The following BPIFB4 variants were observed in gnomAD, a reference collection of about 807,000 sequenced individuals.
BPIFB4 encodes the protein BPI fold containing family B member 4, also known as BPI fold-containing family B member 4.
A neutral mutation model predicts 69.2 loss-of-function variants in BPIFB4; 62 were observed. The ratio of observed to expected loss-of-function variants is 0.90; its 90% CI spans 0.73 to 1.11. The LOEUF is 1.11. Ranked by LOEUF, BPIFB4 falls within the 50% of genes least tolerant of loss-of-function variation. The pLI, the probability that BPIFB4 is intolerant of heterozygous loss-of-function variation, is 0.00. For synonymous variants in BPIFB4, 330 were observed against 332.7 expected, an observed-to-expected ratio of 0.99 and a Z score of 0.09; for missense variants, 789 against 792.0, an observed-to-expected ratio of 1.00 and a Z score of 0.04.
intron 7 of BPIFB4, among the ~76,000 whole-genome samples, chr20:33,087,753 C>CACACACACAA (rs56030970): frequency 0.068 from 9,627 of 140,732 alleles, 653 homozygotes; most frequent in African/African-American, 0.15. Flanking sequence ...CACACACACA[C>CACACACACAA]AAGCATGCAT....
intron 8 of BPIFB4, 96 bp downstream of exon 8, chr20:33,089,125 C>T: frequency 1.9e-6 from 3 of 1,580,646 alleles, no homozygotes; most frequent in South Asian, 2.3e-5. Context: ...CTGCAGGTAA[C>T]CCAGAGGGAC....
intron 9 of BPIFB4, 110 bp from the exon 10 acceptor site, chr20:33,090,598 C>T: frequency 6.5e-7 from 1 of 1,529,682 alleles, no homozygotes; most frequent in South Asian, 1.3e-5. Context: ...TTCATGGTGT[C>T]TGGAGCTGGA....
chr20:33,083,259 G>C, intron 4 of BPIFB4, 108 bp from the exon 5 acceptor site: 1 of 1,005,006 alleles, frequency 1.0e-6, no homozygotes, highest in Non-Finnish European at 1.4e-6. Flanking sequence ...AGTGGTGGGG[G>C]GTTGCTGGGT....
chr20:33,089,685 G>A, intron 9 of BPIFB4, 127 bp downstream of exon 9: 1 of 1,495,242 alleles, frequency 6.7e-7, no homozygotes, highest in Non-Finnish European at 8.9e-7. Context: ...AGTGGCTAAT[G>A]CCACAAGGGA....
In BPIFB4 at chr20:33,092,496, C is replaced by T; in HGVS notation, c.1182C>T (p.Tyr394=). ...VGEAGGGLID[Y]PLGWPAVSPK... is the part of the protein sequence containing the mutation. ...AGGCTGGAGGAGGACTCATCGACTA[C>T]CCATTGGGGTGGCCAGCTGTGTCTC... Residue 394 remains tyrosine, a synonymous_variant, in exon 11 of 18, where the codon TAC becomes TAT. Transcript: ENST00000375483. The T allele has an allele frequency of 6.2e-7, 1 of 1,614,100 alleles. No individual in the cohort carries two copies. Among genetic ancestry groups the T allele is most frequent in the Non-Finnish European group, 8.5e-7 (1 of 1,180,014 alleles).
intron 4 of BPIFB4, among the ~76,000 whole-genome samples, 160 bp from the exon 5 acceptor site, chr20:33,083,207 G>T: frequency 8.3e-6 from 1 of 120,210 alleles, no homozygotes; most frequent in Non-Finnish European, 1.8e-5. Context: ...TGGCAGTGGT[G>T]GGGGGTTGCT....
At chr20:33,096,471 C>T (rs987833391) in intron 12 of BPIFB4, among the ~76,000 whole-genome samples, 6 of 152,130 alleles carry the variant, frequency 3.9e-5, no homozygotes, top group African/African-American at 1.2e-4. Flanking sequence ...GACAGTATTT[C>T]GCCATGTTGA....
intron 8 of BPIFB4, 59 bp downstream of exon 8, chr20:33,089,088 C>T: frequency 1.2e-6 from 2 of 1,611,008 alleles, no homozygotes; most frequent in Non-Finnish European, 1.7e-6. Flanking sequence ...ACTGAGGGGC[C>T]ATAGTCCAGC....
At position 33,083,855 on chromosome 20, in the gene BPIFB4, A is replaced by C; in HGVS notation, c.658A>C (p.Thr220Pro). 6.2e-7 allele frequency: 1 copy of C among 1,612,264 alleles called. No individual in the cohort carries two copies. The change falls in exon 5 of 18, where the codon ACT becomes CCT. Residue 220 changes from threonine (T) to proline (P), a missense_variant. Thr to Pro is a conservative substitution (Grantham distance 38). This residue lies in a region of BPIFB4 where 611 missense variants were observed against 575.4 expected (regional missense o/e 1.06). Transcript: ENST00000375483. Reference protein sequence around the residue: ...GVLGEGGILSTVQGITGLRIV... With the variant: ...GVLGEGGILSPVQGITGLRIV... ...GCTCGGCGAGGGTGGCATCCTCAGC[A>C]CTGTGCAAGGCATCACGGGGTAAGG...
At chr20:33,082,792 TG>T in intron 3 of BPIFB4, 145 bp from the exon 4 acceptor site, 1 of 769,314 alleles carries the variant, frequency 1.3e-6, no homozygotes, top group Non-Finnish European at 2.2e-6. Context: ...TAGATCAGCC[TG>T]GAGAAGTCAT....
rs527913171 is a variant in BPIFB4 at position 33,087,631 on chromosome 20, G to C, written c.927-1335G>C. ...TTTACATATGTCATTTCACAGGAGG[G>C]TCGATGAACCTGTTGGATAATTTCC... On this transcript the variant is annotated intron_variant, in intron 7 of 17. Transcript: ENST00000375483. Among the ~76,000 whole-genome samples the C allele has an allele frequency of 2.0e-5, 3 of 151,900 alleles. No homozygotes were observed. The East Asian group carries it at 5.8e-4, about 29-fold the overall frequency.
At chr20:33,089,372 G>A (rs1344151130) in intron 8 of BPIFB4, 126 bp from the exon 9 acceptor site, 1 of 1,458,710 alleles carries the variant, frequency 6.9e-7, no homozygotes, top group East Asian at 2.3e-5. Context: ...GGGCTGTGGT[G>A]AGGAGAGTGC....
intron 12 of BPIFB4, among the ~76,000 whole-genome samples, chr20:33,096,439 C>T (rs775136866): frequency 6.6e-6 from 1 of 152,236 alleles, no homozygotes; most frequent in Middle Eastern, 3.4e-3. Flanking sequence ...CCATGCCTGG[C>T]TAATTTTATA....
chr20:33,080,869 A>G (rs1490632670), intron 2 of BPIFB4, among the ~76,000 whole-genome samples: 5 of 152,134 alleles, frequency 3.3e-5, no homozygotes, highest in African/African-American at 9.7e-5. Flanking sequence ...TGATAGATAT[A>G]TGGGAAGATG....
intron 11 of BPIFB4, among the ~76,000 whole-genome samples, chr20:33,094,505 T>G (rs990883930): frequency 1.6e-5 from 2 of 126,002 alleles, no homozygotes; most frequent in Non-Finnish European, 3.4e-5. Flanking sequence ...TCTTTTTCTT[T>G]CTTTCTTTTT....
intron 5 of BPIFB4, among the ~76,000 whole-genome samples, chr20:33,084,586 G>A (rs1981360489): frequency 6.6e-6 from 1 of 152,224 alleles, no homozygotes; most frequent in African/African-American, 2.4e-5. Context: ...ATGTATAGGA[G>A]GGAACCAGGC....
chr20:33,100,300 G>A, intron 13 of BPIFB4, 126 bp from the exon 14 acceptor site: 1 of 738,092 alleles, frequency 1.4e-6, no homozygotes, highest in Non-Finnish European at 2.3e-6. Context: ...AGGCCTCGGG[G>A]AACAACCTGC....
At position 33,092,505 on chromosome 20, in the gene BPIFB4, G is replaced by C. The variant is rs564724845; in HGVS notation, c.1191G>C (p.Gly397=). ...AGGGLIDYPL[G]WPAVSPKPMP... Reference sequence around the variant, plus strand: ...GAGGACTCATCGACTACCCATTGGGGTGGCCAGCTGTGTCTCCCAAGCCGA... The same window carrying C: ...GAGGACTCATCGACTACCCATTGGGCTGGCCAGCTGTGTCTCCCAAGCCGA... The change falls in exon 11 of 18, where the codon GGG becomes GGC. Residue 397 remains glycine, a synonymous_variant. Coordinates refer to ENST00000375483, the MANE Select transcript of BPIFB4 (RefSeq NM_182519.3). 1.9e-6 allele frequency: 3 copies of C among 1,614,096 alleles called. No homozygotes were observed. Among genetic ancestry groups the C allele is most frequent in the African/African-American group, 2.7e-5 (2 of 75,052 alleles).
chr20:33,082,780 G>T (rs1259238564), intron 3 of BPIFB4, among the ~76,000 whole-genome samples, 158 bp from the exon 4 acceptor site: 1 of 152,168 alleles, frequency 6.6e-6, no homozygotes, highest in South Asian at 2.1e-4. Flanking sequence ...GGATGCCAGG[G>T]CTAGATCAGC....
Sources: gnomAD v4.1 joint callset for allele counts (sites outside exome capture counted in the v4.1 genomes callset) on GRCh38, gnomAD v4.1.1 for gene constraint, gnomAD v4.1.1 regional missense constraint, MANE v1.5 for transcripts, NCBI Gene and HGNC (gene_info 2026-07-23, HGNC 2026-07-21) for gene names.